RETREG3: variants seen among roughly 807,000 people sequenced by gnomAD.
RETREG3 encodes reticulophagy regulator family member 3.
A neutral mutation model predicts 50.2 loss-of-function variants in RETREG3; 23 were observed. The observed-to-expected ratio is 0.46, with a 90% CI of 0.33 to 0.65. The LOEUF (loss-of-function observed/expected upper bound fraction) is 0.65, where lower values mean the gene tolerates loss of function less well. Ranked by LOEUF, RETREG3 falls within the 30% of genes least tolerant of loss-of-function variation. The pLI is 0.02. For synonymous variants in RETREG3, 240 were observed against 234.4 expected (o/e 1.02, Z -0.22); for missense variants, 546 against 598.0 (o/e 0.91, Z 0.91).
At chr17:42,586,000 T>G in intron 5 of RETREG3, 53 bp downstream of exon 5, 1 of 1,551,170 alleles carries the variant, frequency 6.4e-7, no homozygotes, top group Admixed American at 1.7e-5. Flanking sequence ...TAGCCATAGT[T>G]GGAAAGCTAT....
intron 1 of RETREG3, among the ~76,000 whole-genome samples, chr17:42,607,168 T>C (rs1459542430): frequency 1.3e-5 from 2 of 152,126 alleles, no homozygotes; most frequent in African/African-American, 2.4e-5. Context: ...TGAAGATTTC[T>C]ACAGAGAGCA....
intron 1 of RETREG3, among the ~76,000 whole-genome samples, chr17:42,602,391 T>C (rs1453838338): frequency 6.6e-6 from 1 of 152,126 alleles, no homozygotes; most frequent in Admixed American, 6.6e-5. Context: ...TCAATTCATC[T>C]GCCAGCAGCA....
chr17:42,592,779 C>T (rs1478808690), intron 1 of RETREG3, among the ~76,000 whole-genome samples: 2 of 152,098 alleles, frequency 1.3e-5, no homozygotes, highest in African/African-American at 4.8e-5. Context: ...TGGTGAAACT[C>T]CGTATCTACC....
chr17:42,593,989 G>C (rs930802731), intron 1 of RETREG3, among the ~76,000 whole-genome samples: 1 of 152,046 alleles, frequency 6.6e-6, no homozygotes, highest in Admixed American at 6.5e-5. Flanking sequence ...TCAGGAGCTC[G>C]AGACAAGCCT....
At position 42,592,090 on chromosome 17, in the gene RETREG3, A is replaced by C. The variant is rs898284338; in HGVS notation, c.312T>G (p.Asp104Glu). The C allele has an allele frequency of 6.2e-7, 1 of 1,613,876 alleles. No homozygotes were observed. The change falls in exon 2 of 9, where the codon GAT (aspartate) becomes GAG (glutamate). Residue 104 changes from aspartate (D) to glutamate (E), a missense_variant. Asp to Glu is a conservative substitution (Grantham distance 45). Coordinates refer to ENST00000309428, the MANE Select transcript of RETREG3 (RefSeq NM_178126.4). Reference sequence around the variant, plus strand: ...CAGGCCAGATTTTGTTCTTCCATTGATCAATACACACAATGATCATCAAGC... The same window carrying C: ...CAGGCCAGATTTTGTTCTTCCATTGCTCAATACACACAATGATCATCAAGC... ...AFGLMIIVCI[D>E]QWKNKIWPEI...
intron 1 of RETREG3, among the ~76,000 whole-genome samples, chr17:42,605,008 A>G (rs1223563679): frequency 6.6e-6 from 1 of 152,056 alleles, no homozygotes; most frequent in Admixed American, 6.6e-5. Context: ...ATTATGCTAG[A>G]GACAATAACA....
intron 4 of RETREG3, 22 bp downstream of exon 4, chr17:42,586,743 G>A: frequency 6.2e-7 from 1 of 1,611,780 alleles, no homozygotes; most frequent in Non-Finnish European, 8.5e-7. Flanking sequence ...AGAGATGAAA[G>A]TGAAAAAGGG....
intron 1 of RETREG3, among the ~76,000 whole-genome samples, chr17:42,593,038 C>T (rs1275698707): frequency 6.6e-6 from 1 of 152,118 alleles, no homozygotes; most frequent in East Asian, 1.9e-4. Flanking sequence ...ACAAATGCTT[C>T]TCAAACTCTT....
At chr17:42,598,777 T>A (rs1423039278) in intron 1 of RETREG3, 2 of 152,210 alleles carry the variant, frequency 1.3e-5, no homozygotes, top group Non-Finnish European at 2.9e-5. Context: ...TTTTTTTCTG[T>A]AACTGGGCTT....
intron 3 of RETREG3, 165 bp downstream of exon 3, chr17:42,587,669 C>T (rs1440714985): frequency 6.6e-6 from 5 of 758,446 alleles, no homozygotes; most frequent in Non-Finnish European, 1.1e-5. Context: ...GCCATCTCAA[C>T]ATATTGCTGC....
At chr17:42,593,627 G>A (rs12449341) in intron 1 of RETREG3, among the ~76,000 whole-genome samples, 45,825 of 136,540 alleles carry the variant, frequency 0.34, 9,006 homozygotes, top group East Asian at 0.56. Flanking sequence ...CAGCCTGGGC[G>A]ACAGAGCAAG....
chr17:42,597,602 TATATATATATATATA>T (rs1289371195), intron 1 of RETREG3, among the ~76,000 whole-genome samples: 1 of 4,426 alleles, frequency 2.3e-4, no homozygotes, highest in South Asian at 0.017. Context: ...TATATATATA[TATATATATATATATA>T]TATTTTTTTT....
intron 2 of RETREG3, among the ~76,000 whole-genome samples, chr17:42,590,392 C>T (rs577794183): frequency 6.6e-6 from 1 of 152,158 alleles, no homozygotes; most frequent in African/African-American, 2.4e-5. Flanking sequence ...AAGAATAGGG[C>T]TGGGCGCGGT....
At position 42,579,687 on chromosome 17, in the gene RETREG3, T is replaced by A. The variant is rs1020915735; in HGVS notation, c.*2126A>T. 1.3e-5 allele frequency: 2 copies of A among 152,850 alleles called. No homozygotes were observed. The highest frequency in any genetic ancestry group is 6.5e-5 in the Admixed American group (1 of 15,270). The allele number at this position is 152,850 out of a possible 1,614,324, so 9.5% of individuals were successfully genotyped here. ...TCCCAAGGCCTGAAGCGCACACTCA[T>A]GCAAACACACGAAATCCCCCTCCTT... On this transcript the variant is annotated 3_prime_UTR_variant, in exon 9 of 9. Coordinates refer to ENST00000309428, the MANE Select transcript of RETREG3 (RefSeq NM_178126.4).
chr17:42,602,400 C>T (rs1350833964), intron 1 of RETREG3, among the ~76,000 whole-genome samples: 1 of 151,880 alleles, frequency 6.6e-6, no homozygotes, highest in East Asian at 1.9e-4. Flanking sequence ...CTGCCAGCAG[C>T]AGAGATGAAA....
chr17:42,587,993 A>G, intron 2 of RETREG3, 129 bp from the exon 3 acceptor site: 1 of 1,005,408 alleles, frequency 9.9e-7, no homozygotes. Flanking sequence ...CCGATAAAAA[A>G]GGAGACACTG....
chr17:42,592,023 A>C (rs779135397), intron 2 of RETREG3, 33 bp downstream of exon 2: 3 of 1,553,330 alleles, frequency 1.9e-6, no homozygotes, highest in Non-Finnish European at 2.7e-6. Flanking sequence ...GGCCATCTTC[A>C]GTTCAGATTG....
At chr17:42,604,020 T>C (rs2093163186) in intron 1 of RETREG3, among the ~76,000 whole-genome samples, 1 of 147,172 alleles carries the variant, frequency 6.8e-6, no homozygotes. Flanking sequence ...AGATTTTTTT[T>C]AACAGAACAA....
intron 5 of RETREG3, among the ~76,000 whole-genome samples, chr17:42,585,754 C>T (rs1179519163): frequency 6.6e-6 from 1 of 152,142 alleles, no homozygotes; most frequent in Non-Finnish European, 1.5e-5. Flanking sequence ...GCTGACAATA[C>T]CCTGGCTCTA....
Sources: allele counts gnomAD v4.1 joint callset (sites outside exome capture counted in the v4.1 genomes callset), GRCh38; gene constraint gnomAD v4.1.1; transcripts MANE v1.5; gene names NCBI Gene and HGNC (gene_info 2026-07-23, HGNC 2026-07-21).